Variants in SORCS3 observed in about 807,000 individuals in gnomAD.
SORCS3 encodes VPS10 domain-containing receptor SorCS3.
Under a neutral mutation model 146.3 loss-of-function variants are expected in SORCS3, and 57 were observed. The ratio of observed to expected loss-of-function variants is 0.39; its 90% CI spans 0.31 to 0.49. SORCS3 has a LOEUF of 0.49. Ranked by LOEUF, SORCS3 falls within the 20% of genes least tolerant of loss-of-function variation. The probability of loss-of-function intolerance (pLI) is 0.92; values close to 1 mark genes in which losing one functional copy is unlikely to be tolerated. For synonymous variants in SORCS3, 653 were observed against 618.5 expected (o/e 1.06, Z -0.83); for missense variants, 1,341 against 1,575.5 (o/e 0.85, Z 2.52).
chr10:104,933,230 A>G (rs1457181425), intron 3 of SORCS3, among the ~76,000 whole-genome samples: 8 of 152,136 alleles, frequency 5.3e-5, no homozygotes, highest in African/African-American at 1.4e-4. Context: ...TCTTTGGTTC[A>G]GTGACATCTT....
At chr10:104,673,573 C>T (rs1455431464) in intron 1 of SORCS3, among the ~76,000 whole-genome samples, 1 of 151,984 alleles carries the variant, frequency 6.6e-6, no homozygotes, top group Non-Finnish European at 1.5e-5. Context: ...AAGTGATCCT[C>T]CTGCCTCAAC....
At chr10:105,023,448 G>C (rs74155094) in intron 4 of SORCS3, among the ~76,000 whole-genome samples, 1 of 152,084 alleles carries the variant, frequency 6.6e-6, no homozygotes, top group African/African-American at 2.4e-5. Context: ...GGAGAACTGT[G>C]GGGGGAGCCT....
At position 104,683,913 on chromosome 10, in the gene SORCS3, G is replaced by C. The variant is rs567276539; in HGVS notation, c.627+41959G>C. On this transcript the variant is annotated intron_variant, in intron 1 of 26. Transcript: ENST00000369701. The stretch of plus-strand genomic sequence containing the variant: ...ATAGTAAGACCAAGGCCCTCTCATT[G>C]AGTTATAACCATCTCAGAGGAGAGC... 2.6e-5 allele frequency among the ~76,000 whole-genome samples: 4 copies of C among 152,302 alleles called. No individual in the cohort carries two copies. In the East Asian group the frequency reaches 5.8e-4, roughly 22 times the overall value.
chr10:105,164,409 A>G (rs767137851), intron 12 of SORCS3, 30 bp downstream of exon 12: 13 of 1,427,212 alleles, frequency 9.1e-6, no homozygotes, highest in African/African-American at 1.4e-5. Flanking sequence ...AAAAGGGAGG[A>G]GGCATTTAGA....
At chr10:104,940,204 T>TTATA (rs71022748) in intron 3 of SORCS3, among the ~76,000 whole-genome samples, 25 of 52,988 alleles carry the variant, frequency 4.7e-4, no homozygotes, top group East Asian at 1.9e-3. Context: ...TCCTTTTCTT[T>TTATA]TATATATATA....
chr10:105,004,000 C>CTATTTTTTT (rs1308074575), intron 4 of SORCS3, among the ~76,000 whole-genome samples: 82 of 140,288 alleles, frequency 5.8e-4, no homozygotes, highest in African/African-American at 1.9e-3. Context: ...TCTTCTCTCT[C>CTATTTTTTT]TTTTTTTTTT....
chr10:104,706,076 C>T (rs1201609095), intron 1 of SORCS3, among the ~76,000 whole-genome samples: 1 of 152,046 alleles, frequency 6.6e-6, no homozygotes, highest in East Asian at 1.9e-4. Context: ...TGAAAGTCTC[C>T]CTCCTTGCTC....
At chr10:105,137,500 A>C (rs1399144630) in intron 7 of SORCS3, among the ~76,000 whole-genome samples, 1 of 152,066 alleles carries the variant, frequency 6.6e-6, no homozygotes, top group African/African-American at 2.4e-5. Context: ...TCAAATTAAA[A>C]AAAAAACCCC....
intron 3 of SORCS3, among the ~76,000 whole-genome samples, chr10:104,951,801 G>A (rs2019433791): frequency 6.6e-6 from 1 of 152,098 alleles, no homozygotes; most frequent in African/African-American, 2.4e-5. Flanking sequence ...CACATCCCAG[G>A]ATATTCTTAT....
At chr10:105,165,943 C>T (rs2056309303) in intron 12 of SORCS3, among the ~76,000 whole-genome samples, 1 of 152,222 alleles carries the variant, frequency 6.6e-6, no homozygotes, top group African/African-American at 2.4e-5. Flanking sequence ...GTGCCTCTTC[C>T]TATGTTCCTC....
rs552005256 is a variant in SORCS3, at chr10:104,694,396, G to A, written c.627+52442G>A. ...AGTTACTTTATTTCTCTCAGTTGCT[G>A]TGTCCTGATTCCTAGAACATGGATA... On this transcript the variant is annotated intron_variant, in intron 1 of 26. Coordinates refer to ENST00000369701, the MANE Select transcript of SORCS3 (RefSeq NM_014978.3). 2.0e-5 allele frequency among the ~76,000 whole-genome samples: 3 copies of A among 151,944 alleles called. No individual in the cohort carries two copies. In the East Asian group the frequency reaches 5.8e-4, roughly 30 times the overall value.
chr10:104,828,602 G>A (rs1019918547), intron 1 of SORCS3, among the ~76,000 whole-genome samples: 1 of 152,130 alleles, frequency 6.6e-6, no homozygotes, highest in Non-Finnish European at 1.5e-5. Flanking sequence ...GGCACATGCT[G>A]TTGGAAACAT....
chr10:105,139,748 G>C (rs995977126), intron 8 of SORCS3, among the ~76,000 whole-genome samples: 2 of 152,112 alleles, frequency 1.3e-5, no homozygotes, highest in African/African-American at 2.4e-5. Context: ...CCCAGGGGCA[G>C]TAATGAAAGG....
intron 21 of SORCS3, among the ~76,000 whole-genome samples, chr10:105,246,730 CA>C (rs1472822418): frequency 6.6e-6 from 1 of 152,216 alleles, no homozygotes; most frequent in Non-Finnish European, 1.5e-5. Flanking sequence ...TGCATTACCA[CA>C]AAGTGAATGC....
chr10:104,885,523 A>T lies in SORCS3; in HGVS notation c.696-30310A>T, dbSNP rs118103272. 3.2e-3 allele frequency among the ~76,000 whole-genome samples: 493 copies of T among 152,288 alleles called. 1 individual carries two copies. The highest frequency in any genetic ancestry group is 5.5e-3 in the Non-Finnish European group (377 of 68,014). ...CTTTATGTACTTTAATTTTGTTAGGACCGGAACAGTGTTAATGGTCATCAT... is the reference window on the plus strand; with the variant it reads ...CTTTATGTACTTTAATTTTGTTAGGTCCGGAACAGTGTTAATGGTCATCAT... On this transcript the variant is annotated intron_variant, in intron 2 of 26. Coordinates refer to ENST00000369701, the MANE Select transcript of SORCS3 (RefSeq NM_014978.3).
intron 4 of SORCS3, among the ~76,000 whole-genome samples, chr10:104,987,037 A>G (rs1379313380): frequency 6.6e-6 from 1 of 152,178 alleles, no homozygotes; most frequent in African/African-American, 2.4e-5. Context: ...AATATCTGTG[A>G]AGCACAATGA....
intron 21 of SORCS3, among the ~76,000 whole-genome samples, chr10:105,246,037 C>A (rs1203397965): frequency 6.6e-6 from 1 of 152,172 alleles, no homozygotes; most frequent in South Asian, 2.1e-4. Context: ...TGATCCCTGC[C>A]TTGTAGGACT....
At chr10:105,021,923 T>G (rs897398510) in intron 4 of SORCS3, among the ~76,000 whole-genome samples, 2 of 152,202 alleles carry the variant, frequency 1.3e-5, no homozygotes, top group Non-Finnish European at 2.9e-5. Flanking sequence ...AAAATGCGTA[T>G]TGCTAAGTGA....
chr10:105,117,424 G>C (rs983999658), intron 7 of SORCS3, among the ~76,000 whole-genome samples: 2 of 152,218 alleles, frequency 1.3e-5, no homozygotes, highest in African/African-American at 4.8e-5. Context: ...GAAGTAGAAG[G>C]CATTGTTCTC....
Sources: gnomAD v4.1 joint callset for allele counts (sites outside exome capture counted in the v4.1 genomes callset) on GRCh38, gnomAD v4.1.1 for gene constraint, MANE v1.5 for transcripts, NCBI Gene and HGNC (gene_info 2026-07-23, HGNC 2026-07-21) for gene names.